The following TENM2 variants were observed in gnomAD, a reference collection of about 807,000 sequenced individuals.
The protein encoded by TENM2 is teneurin transmembrane protein 2, also known as teneurin-2.
Under a neutral mutation model 245.2 loss-of-function variants are expected in TENM2, and 52 were observed. The observed-to-expected ratio is 0.21, with a 90% CI of 0.17 to 0.27. The LOEUF (loss-of-function observed/expected upper bound fraction) is 0.27, where lower values mean the gene tolerates loss of function less well. Among genes scored for constraint, TENM2 ranks in the 10% least tolerant of loss-of-function variants. The probability of loss-of-function intolerance (pLI) is 1.00; values close to 1 mark genes in which losing one functional copy is unlikely to be tolerated. For missense variants in TENM2, 3,046 were observed against 3,666.8 expected (o/e 0.83, Z 4.37); for synonymous variants, 1,363 against 1,438.9 (o/e 0.95, Z 1.19).
intron 2 of TENM2, among the ~76,000 whole-genome samples, chr5:167,384,197 A>C (rs767055569): frequency 3.3e-5 from 5 of 152,154 alleles, no homozygotes; most frequent in Non-Finnish European, 5.9e-5. Flanking sequence ...GAAACCAAGC[A>C]CTCCTATGCA....
At chr5:167,142,514 T>C in the TENM2 span, among the ~76,000 whole-genome samples, 5 of 151,824 alleles carry the variant, frequency 3.3e-5, no homozygotes, top group Non-Finnish European at 5.9e-5. Flanking sequence ...AACAAACACA[T>C]AGAAGTATCA....
intron 2 of TENM2, among the ~76,000 whole-genome samples, chr5:167,782,601 G>A (rs11948139): frequency 0.15 from 22,473 of 152,074 alleles, 2,353 homozygotes; most frequent in African/African-American, 0.29. Flanking sequence ...TATTGTAAAT[G>A]CAAGAGAAGG....
chr5:167,744,287 G>T (rs1467366323), intron 2 of TENM2, among the ~76,000 whole-genome samples: 1 of 152,132 alleles, frequency 6.6e-6, no homozygotes, highest in Non-Finnish European at 1.5e-5. Flanking sequence ...AGCGTCAGGA[G>T]ATCCCCATCC....
At chr5:167,496,525 T>C (rs565662502) in intron 2 of TENM2, among the ~76,000 whole-genome samples, 1 of 152,252 alleles carries the variant, frequency 6.6e-6, no homozygotes, top group African/African-American at 2.4e-5. Context: ...TATTAAAAAT[T>C]AATGGCTGTT....
the TENM2 span, among the ~76,000 whole-genome samples, chr5:167,173,075 T>A: frequency 6.6e-6 from 1 of 152,148 alleles, no homozygotes; most frequent in Non-Finnish European, 1.5e-5. Flanking sequence ...TAGAATTCCT[T>A]CTTACTTAAG....
the TENM2 span, among the ~76,000 whole-genome samples, chr5:167,235,530 C>G: frequency 2.0e-5 from 3 of 151,980 alleles, no homozygotes; most frequent in South Asian, 2.1e-4. Flanking sequence ...GGTAAATTAT[C>G]ACATCTTTTC....
At chr5:167,424,471 A>T (rs1763693540) in intron 2 of TENM2, among the ~76,000 whole-genome samples, 1 of 152,186 alleles carries the variant, frequency 6.6e-6, no homozygotes, top group Non-Finnish European at 1.5e-5. Flanking sequence ...CCATTTTATA[A>T]TAAAACTAAG....
intron 1 of TENM2, among the ~76,000 whole-genome samples, chr5:167,334,923 C>A (rs1757668032): frequency 6.6e-6 from 1 of 152,158 alleles, no homozygotes; most frequent in South Asian, 2.1e-4. Flanking sequence ...ATATTTAACT[C>A]AAATTTCATA....
chr5:167,960,253 C>A (rs530846449), intron 4 of TENM2, among the ~76,000 whole-genome samples: 4 of 152,168 alleles, frequency 2.6e-5, no homozygotes, highest in Non-Finnish European at 4.4e-5. Context: ...TCTTCAGAGC[C>A]GGCAGGGTGG....
intron 2 of TENM2, among the ~76,000 whole-genome samples, chr5:167,514,445 C>A (rs752196262): frequency 2.4e-4 from 36 of 152,230 alleles, no homozygotes; most frequent in African/African-American, 6.7e-4. Flanking sequence ...GCCTAGTAAC[C>A]GTGTTCATCC....
intron 2 of TENM2, among the ~76,000 whole-genome samples, chr5:167,737,056 G>T (rs1760850005): frequency 6.6e-6 from 1 of 152,182 alleles, no homozygotes; most frequent in Middle Eastern, 3.2e-3. Flanking sequence ...CTGGGATTGG[G>T]ATTCAGATCT....
rs1037139105 is a variant in TENM2, at chr5:167,738,083, G to C, written c.503-137903G>C. On this transcript the variant is annotated intron_variant, in intron 2 of 28. Transcript: ENST00000518659. ...CTGATACTTGTTTTATTTTGTCCTT[G>C]CTTTTCAGCATTTGCTGGGCACCCA... 3.3e-5 allele frequency among the ~76,000 whole-genome samples: 5 copies of C among 152,170 alleles called. 1 individual carries two copies. In the East Asian group the frequency reaches 9.6e-4, roughly 29 times the overall value.
At chr5:167,515,359 T>G (rs1200489786) in intron 2 of TENM2, among the ~76,000 whole-genome samples, 1 of 151,978 alleles carries the variant, frequency 6.6e-6, no homozygotes, top group African/African-American at 2.4e-5. Context: ...AAATAGTGTT[T>G]TATATTTATA....
chr5:168,154,363 C>G (rs1053640782), intron 12 of TENM2, among the ~76,000 whole-genome samples: 1 of 151,912 alleles, frequency 6.6e-6, no homozygotes, highest in Non-Finnish European at 1.5e-5. Context: ...ATTATAGGTG[C>G]CTGCCACCAT....
intron 5 of TENM2, among the ~76,000 whole-genome samples, chr5:168,022,132 T>C (rs1786205354): frequency 6.6e-6 from 1 of 152,228 alleles, no homozygotes; most frequent in Non-Finnish European, 1.5e-5. Context: ...GTTTATTCAT[T>C]TACTCATCCA....
intron 1 of TENM2, among the ~76,000 whole-genome samples, chr5:167,286,578 A>G (rs1421365948): frequency 3.3e-5 from 5 of 152,216 alleles, no homozygotes; most frequent in African/African-American, 1.2e-4. Flanking sequence ...CACGAGACTC[A>G]GATATTTTGA....
the TENM2 span, among the ~76,000 whole-genome samples, chr5:167,128,744 G>T: frequency 1.3e-5 from 2 of 152,110 alleles, no homozygotes; most frequent in East Asian, 3.9e-4. Flanking sequence ...CATTGTAATT[G>T]TTCCGTTTGC....
intron 4 of TENM2, 30 bp from the exon 7 acceptor site, chr5:167,992,914 C>T: frequency 6.3e-7 from 1 of 1,578,388 alleles, no homozygotes; most frequent in Non-Finnish European, 8.7e-7. Context: ...CTACCCATGA[C>T]CACTCTGACT....
intron 2 of TENM2, among the ~76,000 whole-genome samples, chr5:167,467,948 A>T (rs539499310): frequency 1.2e-4 from 18 of 152,160 alleles, no homozygotes; most frequent in Admixed American, 2.6e-4. Context: ...ATATATATAT[A>T]TTTTTGAGAC....
Sources: gnomAD v4.1 joint callset for allele counts (sites outside exome capture counted in the v4.1 genomes callset) on GRCh38, gnomAD v4.1.1 for gene constraint, MANE v1.5 for transcripts, NCBI Gene and HGNC (gene_info 2026-07-23, HGNC 2026-07-21) for gene names.